NTRK3: variants seen among roughly 807,000 people sequenced by gnomAD.
NTRK3 encodes neurotrophic receptor tyrosine kinase 3, also known as NT-3 growth factor receptor.
A neutral mutation model predicts 91.7 loss-of-function variants in NTRK3; 24 were observed. That is an observed-to-expected ratio of 0.26 (90% CI 0.19 to 0.37). The LOEUF (loss-of-function observed/expected upper bound fraction) is 0.37, where lower values mean the gene tolerates loss of function less well. Among genes scored for constraint, NTRK3 ranks in the 10% least tolerant of loss-of-function variants. The pLI, the probability that NTRK3 is intolerant of heterozygous loss-of-function variation, is 1.00. For synonymous variants in NTRK3, 483 were observed against 404.0 expected (o/e 1.20, Z -2.34); for missense variants, 880 against 1,068.9 (o/e 0.82, Z 2.46).
In NTRK3 at chr15:88,124,966, C is replaced by G. The variant is rs933865769; in HGVS notation, c.1396+1305G>C. Among the ~76,000 whole-genome samples the G allele has an allele frequency of 1.2e-4, 19 of 152,310 alleles. No individual in the cohort carries two copies. The South Asian group carries it at 1.5e-3, about 12-fold the overall frequency. ...AGAAATCTTCTGGAAACAGGGCACC[C>G]TGTACCCATTTTTTGTTTGTTGTTT... On this transcript the variant is annotated intron_variant, in intron 13 of 18. Transcript: ENST00000394480.
chr15:88,151,548 A>G lies in NTRK3; in HGVS notation c.396-4145T>C, dbSNP rs74491740. Among the ~76,000 whole-genome samples the G allele has an allele frequency of 4.7e-3, 714 of 152,304 alleles. 3 individuals carry two copies. Among genetic ancestry groups the G allele is most frequent in the Admixed American group, 7.9e-3 (121 of 15,304 alleles). On this transcript the variant is annotated intron_variant, in intron 5 of 18. Coordinates refer to ENST00000394480, the Ensembl canonical transcript of NTRK3. ...AGTATGGCAGGAATAGAGCCCACAAATGGGGAGGATTTCATCTTCTACCCT... is the reference window on the plus strand; with the variant it reads ...AGTATGGCAGGAATAGAGCCCACAAGTGGGGAGGATTTCATCTTCTACCCT...
At chr15:88,121,851 C>CT (rs1417304001) in intron 13 of NTRK3, among the ~76,000 whole-genome samples, 8 of 152,238 alleles carry the variant, frequency 5.3e-5, no homozygotes, top group Non-Finnish European at 1.2e-4. Context: ...GAAACCCCCA[C>CT]TGTACACTTA....
At chr15:88,194,414 T>C (rs1397955758) in intron 3 of NTRK3, among the ~76,000 whole-genome samples, 1 of 152,232 alleles carries the variant, frequency 6.6e-6, no homozygotes, top group Non-Finnish European at 1.5e-5. Context: ...TCTTAGCAGA[T>C]CCAATACCAG....
At chr15:88,046,022 A>T (rs1463718834) in intron 13 of NTRK3, among the ~76,000 whole-genome samples, 2 of 152,224 alleles carry the variant, frequency 1.3e-5, no homozygotes, top group Non-Finnish European at 2.9e-5. Context: ...TTTTTGCAGG[A>T]CACAATTCAA....
intron 3 of NTRK3, among the ~76,000 whole-genome samples, chr15:88,254,232 C>A (rs992507729): frequency 1.3e-5 from 2 of 152,146 alleles, no homozygotes; most frequent in African/African-American, 4.8e-5. Context: ...CATACAGCCC[C>A]AGCAATGCAC....
exon 19 of NTRK3, chr15:87,874,237 T>C: frequency 1.1e-5 from 1 of 87,584 alleles, no homozygotes; most frequent in Non-Finnish European, 1.9e-5. Flanking sequence ...CCAAGGCTAA[T>C]ATATCAAAGT....
At chr15:88,054,998 T>C (rs559058964) in intron 13 of NTRK3, among the ~76,000 whole-genome samples, 18 of 152,256 alleles carry the variant, frequency 1.2e-4, no homozygotes, top group Non-Finnish European at 2.1e-4. Context: ...GGATTTCAAC[T>C]CCTATGTAGC....
intron 3 of NTRK3, among the ~76,000 whole-genome samples, chr15:88,226,486 C>G (rs879822882): frequency 6.6e-6 from 1 of 152,206 alleles, no homozygotes; most frequent in Non-Finnish European, 1.5e-5. Context: ...GTCTCCAGTT[C>G]CAACACTCAC....
At chr15:88,124,011 G>C (rs1184819660) in intron 13 of NTRK3, among the ~76,000 whole-genome samples, 12 of 152,268 alleles carry the variant, frequency 7.9e-5, no homozygotes, top group African/African-American at 2.9e-4. Context: ...GTTAACTTTG[G>C]GATGCCCTTG....
chr15:87,865,237 C>A, exon 19 of NTRK3: 1 of 206,364 alleles, frequency 4.8e-6, no homozygotes, highest in East Asian at 7.3e-5. Flanking sequence ...GTGATTGTTG[C>A]TTGGAGATCT....
chr15:87,985,458 A>C (rs1596531764), intron 14 of NTRK3, among the ~76,000 whole-genome samples: 1 of 152,354 alleles, frequency 6.6e-6, no homozygotes, highest in East Asian at 1.9e-4. Context: ...TACAATATTG[A>C]AAGGTACTTA....
Position 88,098,726 on chromosome 15 carries a change from G to A in NTRK3, c.1396+27545C>T, listed in dbSNP as rs556881218. The A allele has an allele frequency of 2.5e-4, 58 of 232,648 alleles. 1 individual carries two copies. The Middle Eastern group carries it at 0.011, about 46-fold the overall frequency. 14.4% of individuals were successfully genotyped at this position (232,648 alleles called of 1,614,324 possible). A position where few individuals can be genotyped will look rare whatever the true frequency, so the allele number is the denominator to read the frequency against. On this transcript the variant is annotated intron_variant, in intron 13 of 18. Transcript: ENST00000394480. Reference sequence around the variant, plus strand: ...TAAATCCGCAGGGGCCAGAAGACTAGAGGAATTACAGAAAAGGATGGGGAG... The same window carrying A: ...TAAATCCGCAGGGGCCAGAAGACTAAAGGAATTACAGAAAAGGATGGGGAG...
At chr15:87,974,895 C>T (rs970777283) in intron 14 of NTRK3, among the ~76,000 whole-genome samples, 2 of 152,110 alleles carry the variant, frequency 1.3e-5, no homozygotes, top group Admixed American at 1.3e-4. Context: ...GAGGGGGGAG[C>T]ACCTAGGTGG....
intron 14 of NTRK3, chr15:87,979,522 C>A (rs1373214614): frequency 2.1e-5 from 25 of 1,186,246 alleles, no homozygotes; most frequent in Non-Finnish European, 2.8e-5. Flanking sequence ...AAAACCAAAA[C>A]CCCCAAAGAA....
chr15:87,979,703 C>A (rs1218975893), intron 14 of NTRK3, among the ~76,000 whole-genome samples: 1 of 152,094 alleles, frequency 6.6e-6, no homozygotes, highest in African/African-American at 2.4e-5. Flanking sequence ...GGGAGCAAAA[C>A]CTTTGGGGGC....
Position 88,084,086 on chromosome 15 carries a change from C to CT in NTRK3, c.1396+42184dup, listed in dbSNP as rs764435924. ...TAAGAGCCATTTCATGTCCAAGTGC[C>CT]TTTTTTTTTTTTTTTAAGGTCTTAA... is the stretch of plus-strand genomic sequence containing the variant. On this transcript the variant is annotated intron_variant, in intron 13 of 18. Transcript: ENST00000394480. Among the ~76,000 whole-genome samples, 522 of 135,768 alleles carry CT rather than the reference C, an allele frequency of 3.8e-3. 2 individuals are homozygous for CT. The highest frequency in any genetic ancestry group is 0.012 in the South Asian group (48 of 4,122). The allele number at this position is 135,768 out of a possible 152,430, so 89.1% of individuals were successfully genotyped here.
At chr15:87,976,813 T>G (rs2073761024) in intron 14 of NTRK3, among the ~76,000 whole-genome samples, 1 of 152,274 alleles carries the variant, frequency 6.6e-6, no homozygotes, top group Non-Finnish European at 1.5e-5. Context: ...AGCCCCGTCT[T>G]TCCTTGGGCA....
At chr15:87,866,380 A>G (rs1043800322) in exon 19 of NTRK3, 2 of 177,408 alleles carry the variant, frequency 1.1e-5, no homozygotes, top group African/African-American at 4.7e-5. Flanking sequence ...AAGAAACAAT[A>G]TGGAACTATC....
intron 17 of NTRK3, among the ~76,000 whole-genome samples, chr15:87,923,253 T>C (rs2068022009): frequency 6.6e-6 from 1 of 152,242 alleles, no homozygotes; most frequent in South Asian, 2.1e-4. Flanking sequence ...GTTCCATTTC[T>C]CAGCCACCTT....
Sources: gnomAD v4.1 joint callset for allele counts (sites outside exome capture counted in the v4.1 genomes callset) on GRCh38, gnomAD v4.1.1 for gene constraint, MANE v1.5 for transcripts, NCBI Gene and HGNC (gene_info 2026-07-23, HGNC 2026-07-21) for gene names.